PELI2: variants seen among roughly 807,000 people sequenced by gnomAD.
PELI2 encodes the protein E3 ubiquitin-protein ligase pellino homolog 2.
Under a neutral mutation model 42.3 loss-of-function variants are expected in PELI2, and 23 were observed. The ratio of observed to expected loss-of-function variants is 0.54; its 90% CI spans 0.39 to 0.77. PELI2 has a LOEUF of 0.77. Ranked by LOEUF, PELI2 falls within the 30% of genes least tolerant of loss-of-function variation. The pLI, the probability that PELI2 is intolerant of heterozygous loss-of-function variation, is 0.00. For synonymous variants in PELI2, 245 were observed against 212.2 expected (o/e 1.15, Z -1.34); for missense variants, 463 against 553.2 (o/e 0.84, Z 1.64).
chr14:56,195,792 G>A (rs1054457646), intron 2 of PELI2, among the ~76,000 whole-genome samples: 1 of 152,216 alleles, frequency 6.6e-6, no homozygotes, highest in Non-Finnish European at 1.5e-5. Flanking sequence ...ATGTGAATCA[G>A]ATGTCAAAAA....
At chr14:56,139,747 A>G (rs556812982) in intron 1 of PELI2, among the ~76,000 whole-genome samples, 49 of 152,142 alleles carry the variant, frequency 3.2e-4, no homozygotes, top group African/African-American at 1.2e-3. Context: ...GTGAGACTCT[A>G]CTAGCACAGA....
intron 2 of PELI2, among the ~76,000 whole-genome samples, chr14:56,210,677 G>A (rs898377841): frequency 1.3e-5 from 2 of 152,108 alleles, no homozygotes; most frequent in African/African-American, 4.8e-5. Flanking sequence ...CAATTAAGGA[G>A]GTCAGAGAAC....
chr14:56,169,838 T>C (rs1226401354), intron 1 of PELI2, among the ~76,000 whole-genome samples: 2 of 152,206 alleles, frequency 1.3e-5, no homozygotes, highest in African/African-American at 2.4e-5. Context: ...TTCTGGGCTT[T>C]ATAGTCCATT....
chr14:56,260,295 A>G (rs1169175763), intron 2 of PELI2, among the ~76,000 whole-genome samples: 1 of 152,178 alleles, frequency 6.6e-6, no homozygotes, highest in Non-Finnish European at 1.5e-5. Context: ...TGGAATAACT[A>G]CTAATAGAGA....
chr14:56,118,698 A>T lies in PELI2; in HGVS notation c.38A>T (p.Asn13Ile). 6.6e-7 allele frequency: 1 copy of T among 1,526,408 alleles called. No individual in the cohort carries two copies. The highest frequency in any genetic ancestry group is 8.8e-7 in the Non-Finnish European group (1 of 1,136,774). 94.6% of individuals were successfully genotyped at this position (1,526,408 alleles called of 1,614,324 possible). Residue 13 changes from asparagine to isoleucine, a missense_variant, in exon 1 of 6, where the codon AAT becomes ATT. Transcript: ENST00000267460. ...SPGQEEHCAP[N>I]KEPVKYGELV... Reference sequence around the variant, plus strand: ...GGCCAGGAGGAACACTGCGCCCCCAATAAGGAGCCAGTGAAATACGGGGAG... The same window carrying T: ...GGCCAGGAGGAACACTGCGCCCCCATTAAGGAGCCAGTGAAATACGGGGAG...
Position 56,300,050 on chromosome 14 carries a change from A to G in PELI2, c.*2884A>G, listed in dbSNP as rs1258234402. On this transcript the variant is annotated 3_prime_UTR_variant, in exon 6 of 6. Transcript: ENST00000267460. ...TTCAGCTTTTAGCAAAAAGGGCTACAGTTCACCCTGCAGAGTATTAAGGTT... is the reference window on the plus strand; with the variant it reads ...TTCAGCTTTTAGCAAAAAGGGCTACGGTTCACCCTGCAGAGTATTAAGGTT... 1 of 152,754 alleles carries G rather than the reference A, an allele frequency of 6.5e-6. No homozygotes were observed. The highest frequency in any genetic ancestry group is 2.4e-5 in the African/African-American group (1 of 41,584). The allele number at this position is 152,754 out of a possible 1,614,324, so 9.5% of individuals were successfully genotyped here.
intron 1 of PELI2, chr14:56,119,698 G>T (rs1882993063): frequency 1.1e-6 from 1 of 888,360 alleles, no homozygotes; most frequent in South Asian, 5.2e-5. Context: ...GGCAGTGAAA[G>T]GGGAGGGGGA....
chr14:56,131,806 T>C (rs1162935602), intron 1 of PELI2, among the ~76,000 whole-genome samples: 1 of 152,196 alleles, frequency 6.6e-6, no homozygotes, highest in African/African-American at 2.4e-5. Context: ...AGAAATCTTG[T>C]CCGGGATAAT....
At chr14:56,245,544 C>T (rs944983361) in intron 2 of PELI2, among the ~76,000 whole-genome samples, 3 of 152,058 alleles carry the variant, frequency 2.0e-5, no homozygotes, top group South Asian at 2.1e-4. Flanking sequence ...GGAATATATG[C>T]CTTAAGGGTT....
At chr14:56,245,448 A>G (rs1259098160) in intron 2 of PELI2, among the ~76,000 whole-genome samples, 1 of 152,218 alleles carries the variant, frequency 6.6e-6, no homozygotes, top group East Asian at 1.9e-4. Flanking sequence ...CATGTATGAT[A>G]AACATGTAAA....
chr14:56,188,009 C>A (rs1010408217), intron 2 of PELI2, among the ~76,000 whole-genome samples: 1 of 152,186 alleles, frequency 6.6e-6, no homozygotes, highest in Non-Finnish European at 1.5e-5. Context: ...GTGTACTAGC[C>A]CTCAATATCA....
intron 2 of PELI2, among the ~76,000 whole-genome samples, chr14:56,268,860 C>T (rs1490114905): frequency 1.3e-5 from 2 of 152,148 alleles, no homozygotes; most frequent in African/African-American, 2.4e-5. Flanking sequence ...CAGATCTGCA[C>T]CCCTGCTGCA....
At chr14:56,199,076 A>G (rs1886240369) in intron 2 of PELI2, among the ~76,000 whole-genome samples, 1 of 152,140 alleles carries the variant, frequency 6.6e-6, no homozygotes, top group African/African-American at 2.4e-5. Context: ...TTATTTTCTT[A>G]AGTTTTATTA....
At chr14:56,295,660 C>T (rs1475708723) in intron 5 of PELI2, among the ~76,000 whole-genome samples, 1 of 152,222 alleles carries the variant, frequency 6.6e-6, no homozygotes, top group African/African-American at 2.4e-5. Context: ...AACACAACCA[C>T]CTTTTCTAAA....
At chr14:56,119,670 T>C (rs1237949541) in intron 1 of PELI2, 1 of 690,680 alleles carries the variant, frequency 1.4e-6, no homozygotes, top group Non-Finnish European at 1.8e-6. Context: ...CTTTGCGGGC[T>C]TAAAACTGGA....
rs117205545 is a variant in PELI2, at chr14:56,270,929, A to G, written c.208-8747A>G. 6.2e-3 allele frequency among the ~76,000 whole-genome samples: 949 copies of G among 152,290 alleles called. 5 individuals are homozygous for G. The highest frequency in any genetic ancestry group is 0.011 in the Non-Finnish European group (770 of 68,016). On this transcript the variant is annotated intron_variant, in intron 2 of 5. Transcript: ENST00000267460. Reference sequence around the variant, plus strand: ...TGTGGTTATTCCATTTTTCTAAAGTACATGTAAAGTTTGAGCTCAGCAGAA... The same window carrying G: ...TGTGGTTATTCCATTTTTCTAAAGTGCATGTAAAGTTTGAGCTCAGCAGAA...
At chr14:56,295,081 C>G (rs1180556080) in intron 5 of PELI2, among the ~76,000 whole-genome samples, 1 of 147,616 alleles carries the variant, frequency 6.8e-6, no homozygotes, top group Non-Finnish European at 1.5e-5. Flanking sequence ...TGAGTGCCAT[C>G]GAGTCTAATT....
chr14:56,236,088 ATTT>A (rs1873249480), intron 2 of PELI2, among the ~76,000 whole-genome samples: 1 of 152,192 alleles, frequency 6.6e-6, no homozygotes, highest in South Asian at 2.1e-4. Context: ...CACTTAAAAA[ATTT>A]TTGTTTTGAT....
intron 2 of PELI2, among the ~76,000 whole-genome samples, chr14:56,247,916 T>C (rs1006549819): frequency 1.3e-5 from 2 of 152,204 alleles, no homozygotes; most frequent in Non-Finnish European, 2.9e-5. Context: ...TTGGAGAAAC[T>C]TGAAATATAA....
Sources: allele counts gnomAD v4.1 joint callset (sites outside exome capture counted in the v4.1 genomes callset), GRCh38; gene constraint gnomAD v4.1.1; transcripts MANE v1.5; gene names NCBI Gene and HGNC (gene_info 2026-07-23, HGNC 2026-07-21).